The following MTMR7 variants were observed in gnomAD, a reference collection of about 807,000 sequenced individuals.
MTMR7 encodes myotubularin related protein 7, also known as phosphatidylinositol-3-phosphate phosphatase MTMR7.
MTMR7 carries 76 observed loss-of-function variants against 81.2 expected under a neutral mutation model. The ratio of observed to expected loss-of-function variants is 0.94; its 90% CI spans 0.78 to 1.13. MTMR7 has a LOEUF of 1.13. Ranked by LOEUF, MTMR7 falls within the 50% of genes most tolerant of loss-of-function variation. The pLI is 0.00. For synonymous variants in MTMR7, 372 were observed against 289.8 expected (o/e 1.28, Z -2.88); for missense variants, 1,044 against 820.0 (o/e 1.27, Z -3.34).
intron 7 of MTMR7, among the ~76,000 whole-genome samples, chr8:17,315,272 T>C (rs528291103): frequency 6.6e-6 from 1 of 152,186 alleles, no homozygotes; most frequent in Admixed American, 6.5e-5. Flanking sequence ...ATGTCAACTA[T>C]ATGACCTCCT....
At chr8:17,392,045 C>T (rs1418926342) in intron 1 of MTMR7, among the ~76,000 whole-genome samples, 1 of 152,028 alleles carries the variant, frequency 6.6e-6, no homozygotes, top group African/African-American at 2.4e-5. Flanking sequence ...CCTCTGAGTG[C>T]AGTATGAGAA....
chr8:17,371,162 G>T lies in MTMR7; in HGVS notation c.185C>A (p.Ala62Glu). 6.2e-7 allele frequency: 1 copy of T among 1,614,178 alleles called. No homozygotes were observed. Among genetic ancestry groups the T allele is most frequent in the Non-Finnish European group, 8.5e-7 (1 of 1,180,020 alleles). ...HSQISTIEKQ[A>E]TTATGCPLLI... Reference sequence around the variant, plus strand: ...CAGAGGGCATCCGGTAGCGGTTGTTGCCTGTTTCTCAATGGTGGAAATCTG... The same window carrying T: ...CAGAGGGCATCCGGTAGCGGTTGTTTCCTGTTTCTCAATGGTGGAAATCTG... Residue 62 changes from alanine to glutamate, a missense_variant, in exon 3 of 14, where the codon GCA (alanine) becomes GAA (glutamate). Transcript: ENST00000180173.
intron 9 of MTMR7, 71 bp downstream of exon 9, chr8:17,311,440 T>C (rs1485645775): frequency 6.3e-7 from 1 of 1,597,946 alleles, no homozygotes; most frequent in Non-Finnish European, 8.5e-7. Flanking sequence ...CAGTTGCCAG[T>C]AGTTGTAAAA....
intron 12 of MTMR7, 88 bp from the exon 13 acceptor site, chr8:17,302,368 A>T: frequency 5.8e-6 from 8 of 1,382,330 alleles, no homozygotes; most frequent in Non-Finnish European, 7.8e-6. Flanking sequence ...CTATGATACC[A>T]CAGTCTTAAT....
intron 1 of MTMR7, 32 bp from the exon 2 acceptor site, chr8:17,373,272 C>T (rs569179896): frequency 2.6e-5 from 42 of 1,589,390 alleles, no homozygotes; most frequent in South Asian, 3.4e-5. Context: ...AAAGAGTTAC[C>T]GTAAAGCAGA....
At chr8:17,402,820 A>C (rs764569776) in intron 1 of MTMR7, among the ~76,000 whole-genome samples, 8 of 152,176 alleles carry the variant, frequency 5.3e-5, no homozygotes, top group African/African-American at 9.7e-5. Flanking sequence ...AGGAACCTCC[A>C]AACAGTTCTC....
intron 4 of MTMR7, among the ~76,000 whole-genome samples, chr8:17,356,728 A>AAAT (rs34450352): frequency 0.85 from 128,446 of 151,556 alleles, 54,718 homozygotes; most frequent in East Asian, 0.96. Flanking sequence ...AAATAAAATA[A>AAAT]AATAACCTTG....
chr8:17,347,194 C>T (rs1202999135), intron 5 of MTMR7, among the ~76,000 whole-genome samples: 6 of 142,688 alleles, frequency 4.2e-5, no homozygotes, highest in African/African-American at 2.7e-5. Flanking sequence ...ATCTTGTTTC[C>T]GAAAAAAAAA....
intron 1 of MTMR7, among the ~76,000 whole-genome samples, chr8:17,411,588 T>C (rs1193791130): frequency 1.3e-5 from 2 of 152,226 alleles, no homozygotes; most frequent in Non-Finnish European, 2.9e-5. Context: ...TCCCAAATGT[T>C]AATGACTCAC....
At chr8:17,312,620 A>G (rs1817852475) in intron 8 of MTMR7, among the ~76,000 whole-genome samples, 1 of 151,608 alleles carries the variant, frequency 6.6e-6, no homozygotes, top group Non-Finnish European at 1.5e-5. Flanking sequence ...CTCCCCCAGC[A>G]GAATATAAGC....
intron 3 of MTMR7, among the ~76,000 whole-genome samples, chr8:17,370,693 T>C (rs1040113622): frequency 2.0e-5 from 3 of 152,138 alleles, no homozygotes; most frequent in East Asian, 3.9e-4. Flanking sequence ...AACTGATTAG[T>C]TCTGTCACTG....
intron 12 of MTMR7, among the ~76,000 whole-genome samples, chr8:17,302,743 G>A (rs911814121): frequency 7.9e-5 from 9 of 113,720 alleles, no homozygotes; most frequent in African/African-American, 1.8e-4. Context: ...GCAGAGTTTC[G>A]CTCTTGTCAC....
intron 7 of MTMR7, among the ~76,000 whole-genome samples, chr8:17,315,321 G>A (rs9644665): frequency 0.11 from 16,692 of 152,102 alleles, 1,585 homozygotes; most frequent in East Asian, 0.45. Flanking sequence ...AAAAATCAGC[G>A]GCTGCCAGGG....
chr8:17,369,779 G>T (rs1820355321), intron 3 of MTMR7, among the ~76,000 whole-genome samples: 1 of 151,062 alleles, frequency 6.6e-6, no homozygotes, highest in Admixed American at 6.6e-5. Flanking sequence ...CCAAGTAGCT[G>T]GGACTACAGG....
chr8:17,347,751 G>C (rs548218612), intron 5 of MTMR7, among the ~76,000 whole-genome samples: 1 of 152,258 alleles, frequency 6.6e-6, no homozygotes, highest in Admixed American at 6.5e-5. Flanking sequence ...CGCAGAAATG[G>C]AACTCTAAGT....
intron 6 of MTMR7, 113 bp downstream of exon 6, chr8:17,341,250 C>T (rs1010338804): frequency 1.0e-5 from 14 of 1,398,020 alleles, no homozygotes; most frequent in African/African-American, 2.8e-5. Context: ...CAAGAGGAAC[C>T]GCCCCTTTGC....
chr8:17,365,332 A>G (rs1820192201), intron 3 of MTMR7, among the ~76,000 whole-genome samples: 1 of 152,100 alleles, frequency 6.6e-6, no homozygotes, highest in Non-Finnish European at 1.5e-5. Context: ...TATCAGGTAT[A>G]TGGCTTCCAA....
intron 7 of MTMR7, among the ~76,000 whole-genome samples, chr8:17,324,990 T>C (rs1420017143): frequency 6.6e-6 from 1 of 152,142 alleles, no homozygotes; most frequent in Non-Finnish European, 1.5e-5. Context: ...AGAAATACTT[T>C]TAAATGAAAA....
intron 7 of MTMR7, among the ~76,000 whole-genome samples, chr8:17,317,277 C>G (rs958448568): frequency 1.3e-5 from 2 of 152,176 alleles, no homozygotes; most frequent in African/African-American, 4.8e-5. Context: ...GGCAGGCTTT[C>G]TTAGCTGCCA....
Sources: allele counts gnomAD v4.1 joint callset (sites outside exome capture counted in the v4.1 genomes callset), GRCh38; gene constraint gnomAD v4.1.1; transcripts MANE v1.5; gene names NCBI Gene and HGNC (gene_info 2026-07-23, HGNC 2026-07-21).